Variants in SEMA5A observed in about 807,000 individuals in gnomAD.
The protein encoded by SEMA5A is semaphorin-5A.
In SEMA5A, 55 loss-of-function variants were observed where a neutral mutation model predicts 135.5. The ratio of observed to expected loss-of-function variants is 0.41; its 90% CI spans 0.33 to 0.51. The LOEUF (loss-of-function observed/expected upper bound fraction) is 0.51. SEMA5A is among the 20% of genes least tolerant of loss of function. The pLI is 0.37. For synonymous variants in SEMA5A, 580 were observed against 546.5 expected, an observed-to-expected ratio of 1.06 and a Z score of -0.85; for missense variants, 1,290 against 1,419.9, an observed-to-expected ratio of 0.91 and a Z score of 1.47.
intron 13 of SEMA5A, among the ~76,000 whole-genome samples, chr5:9,124,025 G>A (rs1740971930): frequency 6.6e-6 from 1 of 152,146 alleles, no homozygotes; most frequent in South Asian, 2.1e-4. Context: ...CAAGGATGAA[G>A]GCAGAGGAAT....
chr5:9,519,678 C>T (rs938834026), intron 1 of SEMA5A, among the ~76,000 whole-genome samples: 4 of 152,072 alleles, frequency 2.6e-5, no homozygotes, highest in African/African-American at 9.7e-5. Flanking sequence ...ACTAGAAAAC[C>T]GTAACTGTGA....
intron 1 of SEMA5A, among the ~76,000 whole-genome samples, chr5:9,506,987 C>CA (rs80005612): frequency 0.4 from 61,088 of 151,978 alleles, 12,767 homozygotes; most frequent in Non-Finnish European, 0.44. Context: ...ACAACCAATA[C>CA]AAAAATCAAA....
rs866546791 is a variant in SEMA5A at position 9,267,676 on chromosome 5, T to C, written c.271-29786A>G. On this transcript the variant is annotated intron_variant, in intron 5 of 22. Coordinates refer to ENST00000382496, the MANE Select transcript of SEMA5A (RefSeq NM_003966.3). ...TCTCTTTCTTCACTCTTCTTTCTGATTAGCTAGACCTCAAAAGTATAGAAT... is the reference window on the plus strand; with the variant it reads ...TCTCTTTCTTCACTCTTCTTTCTGACTAGCTAGACCTCAAAAGTATAGAAT... 3.3e-5 allele frequency among the ~76,000 whole-genome samples: 5 copies of C among 152,210 alleles called. No individual in the cohort carries two copies. The Middle Eastern group carries it at 0.014, about 414-fold the overall frequency.
chr5:9,245,790 A>G (rs1043390862), intron 5 of SEMA5A, among the ~76,000 whole-genome samples: 1 of 152,192 alleles, frequency 6.6e-6, no homozygotes, highest in Non-Finnish European at 1.5e-5. Flanking sequence ...TCTCAGAAGC[A>G]CCTCTAGAAT....
chr5:9,252,881 T>G (rs1748874230), intron 5 of SEMA5A, among the ~76,000 whole-genome samples: 1 of 152,108 alleles, frequency 6.6e-6, no homozygotes, highest in East Asian at 1.9e-4. Flanking sequence ...GAGGGCCTAG[T>G]GCACTCTTGG....
At chr5:9,194,132 T>C (rs1745261958) in intron 10 of SEMA5A, among the ~76,000 whole-genome samples, 1 of 152,174 alleles carries the variant, frequency 6.6e-6, no homozygotes, top group Non-Finnish European at 1.5e-5. Context: ...TGATGTTTTA[T>C]ATCAGTGATT....
At chr5:9,051,804 C>T (rs1205691768) in intron 20 of SEMA5A, 69 bp downstream of exon 20, 1 of 1,589,642 alleles carries the variant, frequency 6.3e-7, no homozygotes, top group African/African-American at 1.3e-5. Context: ...AAACTCTGAC[C>T]TATGAATCAT....
At chr5:9,452,541 A>G (rs1423220441) in intron 1 of SEMA5A, among the ~76,000 whole-genome samples, 1 of 152,208 alleles carries the variant, frequency 6.6e-6, no homozygotes, top group Admixed American at 6.5e-5. Flanking sequence ...ACAGGGTGGC[A>G]TTCTGCTTTG....
intron 1 of SEMA5A, among the ~76,000 whole-genome samples, chr5:9,524,076 T>C (rs910514756): frequency 6.6e-6 from 1 of 152,056 alleles, no homozygotes; most frequent in Non-Finnish European, 1.5e-5. Context: ...TTTAGCACCA[T>C]CCCCCTAGTG....
intron 3 of SEMA5A, among the ~76,000 whole-genome samples, chr5:9,370,544 A>C (rs997169533): frequency 2.0e-5 from 3 of 152,234 alleles, no homozygotes; most frequent in Non-Finnish European, 2.9e-5. Context: ...GGAGAGCAAA[A>C]GAGAAATTAA....
intron 4 of SEMA5A, among the ~76,000 whole-genome samples, chr5:9,336,796 T>G (rs990414668): frequency 6.6e-6 from 1 of 152,166 alleles, no homozygotes; most frequent in African/African-American, 2.4e-5. Context: ...TGCACTCGTG[T>G]TTATAGAGAG....
chr5:9,333,769 A>C (rs1218757181), intron 4 of SEMA5A, among the ~76,000 whole-genome samples: 2 of 152,228 alleles, frequency 1.3e-5, no homozygotes, highest in East Asian at 3.8e-4. Context: ...GAAATCAAAT[A>C]ATGCAAGGAA....
At chr5:9,182,931 G>A (rs1237637811) in intron 11 of SEMA5A, among the ~76,000 whole-genome samples, 1 of 151,974 alleles carries the variant, frequency 6.6e-6, no homozygotes, top group African/African-American at 2.4e-5. Flanking sequence ...ATTATGCTTA[G>A]ATTAAAATCT....
At chr5:9,455,939 A>T (rs577502383) in intron 1 of SEMA5A, among the ~76,000 whole-genome samples, 1 of 152,330 alleles carries the variant, frequency 6.6e-6, no homozygotes, top group African/African-American at 2.4e-5. Context: ...GGAGTGAGTC[A>T]GCAGGGGACA....
chr5:9,125,379 A>C (rs1741051235), intron 13 of SEMA5A, among the ~76,000 whole-genome samples: 1 of 152,152 alleles, frequency 6.6e-6, no homozygotes, highest in Admixed American at 6.5e-5. Context: ...CAAAATAATC[A>C]AGTTTGTTAC....
At chr5:9,408,532 C>T (rs1316236320) in intron 2 of SEMA5A, among the ~76,000 whole-genome samples, 4 of 152,160 alleles carry the variant, frequency 2.6e-5, no homozygotes, top group Admixed American at 2.6e-4. Context: ...TGATATGAAA[C>T]AAGCTTTCCA....
chr5:9,508,148 G>A (rs1009384587), intron 1 of SEMA5A, among the ~76,000 whole-genome samples: 2 of 152,166 alleles, frequency 1.3e-5, no homozygotes, highest in African/African-American at 4.8e-5. Context: ...ACAAAGCTTC[G>A]AATTTATCAC....
chr5:9,468,290 C>T (rs2126746505), intron 1 of SEMA5A, among the ~76,000 whole-genome samples: 1 of 152,286 alleles, frequency 6.6e-6, no homozygotes, highest in Non-Finnish European at 1.5e-5. Context: ...AGATGTTAGG[C>T]AGACGCCTTC....
At chr5:9,392,229 A>G (rs1356313730) in intron 2 of SEMA5A, among the ~76,000 whole-genome samples, 2 of 152,116 alleles carry the variant, frequency 1.3e-5, no homozygotes, top group Non-Finnish European at 2.9e-5. Flanking sequence ...TCTTCTTCAC[A>G]TCACTTAAAA....
Sources: gnomAD v4.1 joint callset for allele counts (sites outside exome capture counted in the v4.1 genomes callset) on GRCh38, gnomAD v4.1.1 for gene constraint, MANE v1.5 for transcripts, NCBI Gene and HGNC (gene_info 2026-07-23, HGNC 2026-07-21) for gene names.